The following TCERG1L variants were observed in gnomAD, a reference collection of about 807,000 sequenced individuals.
The protein encoded by TCERG1L is transcription elongation regulator 1 like, also known as transcription elongation regulator 1-like protein.
Under a neutral mutation model 56.3 loss-of-function variants are expected in TCERG1L, and 37 were observed. That is an observed-to-expected ratio of 0.66 (90% CI 0.51 to 0.87). The LOEUF is 0.87. Ranked by LOEUF, TCERG1L falls within the 40% of genes least tolerant of loss-of-function variation. TCERG1L has a pLI of 0.00. For synonymous variants in TCERG1L, 324 were observed against 326.3 expected, an observed-to-expected ratio of 0.99 and a Z score of 0.08; for missense variants, 799 against 774.2, an observed-to-expected ratio of 1.03 and a Z score of -0.38.
At chr10:131,193,583 A>C (rs1288807246) in intron 4 of TCERG1L, among the ~76,000 whole-genome samples, 1 of 152,208 alleles carries the variant, frequency 6.6e-6, no homozygotes, top group Admixed American at 6.5e-5. Context: ...TGTTCCCAGC[A>C]CCATTTATGG....
intron 6 of TCERG1L, chr10:131,162,879 T>A (rs1845992432): frequency 2.7e-6 from 1 of 371,066 alleles, no homozygotes; most frequent in East Asian, 4.0e-5. Context: ...TGCAACAGCA[T>A]TATCATTTTA....
intron 4 of TCERG1L, among the ~76,000 whole-genome samples, chr10:131,244,525 GC>G (rs1445630584): frequency 6.6e-6 from 1 of 152,122 alleles, no homozygotes; most frequent in African/African-American, 2.4e-5. Flanking sequence ...GAAGTGTGAT[GC>G]CCCCATGGTT....
At chr10:131,125,881 ACACAGAGATGACACTGCCCAGTG>A in intron 8 of TCERG1L, among the ~76,000 whole-genome samples, 1 of 152,200 alleles carries the variant, frequency 6.6e-6, no homozygotes, top group Admixed American at 6.5e-5. Flanking sequence ...CTCTGCTCTT[ACACAGAGATGACACTGCCCAGTG>A]CACAGAGATG....
At chr10:131,132,663 G>A (rs757542938) in intron 8 of TCERG1L, among the ~76,000 whole-genome samples, 6 of 152,222 alleles carry the variant, frequency 3.9e-5, no homozygotes, top group Non-Finnish European at 5.9e-5. Flanking sequence ...TGAGGTCCAC[G>A]TGTGACGGTG....
intron 3 of TCERG1L, among the ~76,000 whole-genome samples, chr10:131,289,433 T>C (rs1478255802): frequency 6.6e-6 from 1 of 152,216 alleles, no homozygotes; most frequent in Non-Finnish European, 1.5e-5. Flanking sequence ...GGCACACCTA[T>C]GATATTGTGG....
In TCERG1L at chr10:131,138,171, A is replaced by G. The variant is rs182096028; in HGVS notation, c.1190-3723T>C. ...GTAATCTCAGCTACTCAGGAGGCTG[A>G]GGCAGGAGAATTTTTTGAACCCGGG... On this transcript the variant is annotated intron_variant, in intron 7 of 11. Coordinates refer to ENST00000368642, the MANE Select transcript of TCERG1L (RefSeq NM_174937.4). 7.3e-3 allele frequency among the ~76,000 whole-genome samples: 1,115 copies of G among 152,348 alleles called. 6 individuals are homozygous for G. Among genetic ancestry groups the G allele is most frequent in the Non-Finnish European group, 0.012 (832 of 68,030 alleles).
At chr10:131,279,158 A>AC (rs1035418638) in intron 3 of TCERG1L, among the ~76,000 whole-genome samples, 6 of 152,118 alleles carry the variant, frequency 3.9e-5, no homozygotes, top group African/African-American at 1.4e-4. Flanking sequence ...AGATGAGATG[A>AC]CCACAGGGAA....
intron 7 of TCERG1L, among the ~76,000 whole-genome samples, chr10:131,139,419 G>A (rs1845708743): frequency 6.6e-6 from 1 of 152,194 alleles, no homozygotes; most frequent in Non-Finnish European, 1.5e-5. Context: ...AGGGGGACAG[G>A]AGATGGATAG....
chr10:131,175,461 G>A (rs925687173), intron 4 of TCERG1L, among the ~76,000 whole-genome samples: 1 of 151,496 alleles, frequency 6.6e-6, no homozygotes, highest in Admixed American at 6.6e-5. Flanking sequence ...CACCGCAGGG[G>A]CAGGCTTGTC....
intron 9 of TCERG1L, among the ~76,000 whole-genome samples, chr10:131,110,629 G>C (rs1021459760): frequency 1.3e-5 from 2 of 152,224 alleles, no homozygotes; most frequent in Non-Finnish European, 2.9e-5. Context: ...TCAGCCCCGG[G>C]AAGGCAGCCA....
intron 4 of TCERG1L, among the ~76,000 whole-genome samples, chr10:131,198,013 T>A (rs540850530): frequency 6.6e-6 from 1 of 151,784 alleles, no homozygotes; most frequent in African/African-American, 2.4e-5. Flanking sequence ...TTAATTCAAA[T>A]TTTCCTGTAG....
chr10:131,180,963 C>T (rs28449876), intron 4 of TCERG1L, among the ~76,000 whole-genome samples: 69,408 of 151,556 alleles, frequency 0.46, 18,914 homozygotes, highest in South Asian at 0.69. Flanking sequence ...GAAGTCGCAT[C>T]CCTGGTGTCT....
intron 4 of TCERG1L, among the ~76,000 whole-genome samples, chr10:131,197,356 G>T (rs1216586720): frequency 6.6e-6 from 1 of 151,984 alleles, no homozygotes; most frequent in Non-Finnish European, 1.5e-5. Flanking sequence ...TAATTATTTT[G>T]TATTTTTTCT....
At chr10:131,238,781 G>A (rs1845941775) in intron 4 of TCERG1L, among the ~76,000 whole-genome samples, 1 of 152,212 alleles carries the variant, frequency 6.6e-6, no homozygotes, top group Non-Finnish European at 1.5e-5. Context: ...GGGCAGAGCT[G>A]AAGGGGAAGA....
intron 3 of TCERG1L, among the ~76,000 whole-genome samples, chr10:131,273,355 G>T (rs930060793): frequency 1.3e-5 from 2 of 152,164 alleles, no homozygotes; most frequent in Non-Finnish European, 2.9e-5. Flanking sequence ...CGTGGGTCTG[G>T]AGTCACCAGG....
intron 5 of TCERG1L, among the ~76,000 whole-genome samples, chr10:131,166,312 T>C (rs1484176691): frequency 6.6e-6 from 1 of 152,208 alleles, no homozygotes; most frequent in Non-Finnish European, 1.5e-5. Flanking sequence ...AATGCAGTAA[T>C]AAAAAGGACT....
chr10:131,262,100 C>T (rs375311628), intron 3 of TCERG1L, among the ~76,000 whole-genome samples: 5 of 151,952 alleles, frequency 3.3e-5, no homozygotes, highest in East Asian at 3.9e-4. Context: ...CAGGCTTTGC[C>T]GGCAGACATA....
intron 8 of TCERG1L, among the ~76,000 whole-genome samples, chr10:131,127,360 G>A (rs1487846700): frequency 2.0e-5 from 3 of 152,190 alleles, no homozygotes; most frequent in East Asian, 3.9e-4. Flanking sequence ...CAGCCAGCCC[G>A]TGACCCTGTC....
chr10:131,131,537 G>A (rs925259283), intron 8 of TCERG1L, among the ~76,000 whole-genome samples: 1 of 152,194 alleles, frequency 6.6e-6, no homozygotes, highest in Non-Finnish European at 1.5e-5. Context: ...TCACCACGTA[G>A]ATTAGAATAT....
Sources: allele counts gnomAD v4.1 joint callset (sites outside exome capture counted in the v4.1 genomes callset), GRCh38; gene constraint gnomAD v4.1.1; transcripts MANE v1.5; gene names NCBI Gene and HGNC (gene_info 2026-07-23, HGNC 2026-07-21).